CAMTA1: variants seen among roughly 807,000 people sequenced by gnomAD.
The protein encoded by CAMTA1 is calmodulin-binding transcription activator 1.
A neutral mutation model predicts 170.9 loss-of-function variants in CAMTA1; 27 were observed. The observed-to-expected ratio is 0.16, with a 90% confidence interval of 0.12 to 0.22. The LOEUF (loss-of-function observed/expected upper bound fraction) is 0.22, where lower values mean the gene tolerates loss of function less well. Among genes scored for constraint, CAMTA1 ranks in the 10% least tolerant of loss-of-function variants. CAMTA1 has a pLI of 1.00. For missense variants in CAMTA1, 1,619 were observed against 2,217.2 expected, an observed-to-expected ratio of 0.73 and a Z score of 5.42; for synonymous variants, 833 against 891.5, an observed-to-expected ratio of 0.93 and a Z score of 1.17.
At chr1:6,944,220 T>TGAATA (rs1399846043) in intron 3 of CAMTA1, among the ~76,000 whole-genome samples, 3 of 152,232 alleles carry the variant, frequency 2.0e-5, no homozygotes, top group Non-Finnish European at 4.4e-5. Flanking sequence ...TTTTGAAGGC[T>TGAATA]GAATAGCATT....
chr1:6,904,405 G>A (rs1304812784), intron 3 of CAMTA1, among the ~76,000 whole-genome samples: 3 of 152,158 alleles, frequency 2.0e-5, no homozygotes, highest in African/African-American at 7.2e-5. Context: ...GCTCTCCTGA[G>A]CTTTATATTC....
At chr1:7,231,132 A>G (rs1477650218) in intron 4 of CAMTA1, among the ~76,000 whole-genome samples, 1 of 151,908 alleles carries the variant, frequency 6.6e-6, no homozygotes, top group Non-Finnish European at 1.5e-5. Flanking sequence ...TAAGTAGGAT[A>G]AGCAGCCCCC....
intron 5 of CAMTA1, among the ~76,000 whole-genome samples, chr1:7,330,905 C>T (rs980426898): frequency 7.9e-5 from 12 of 152,104 alleles, no homozygotes; most frequent in Admixed American, 2.6e-4. Context: ...AGTCAGGCTG[C>T]GGCCACATCG....
chr1:7,726,152 TG>T (rs2096684554), intron 11 of CAMTA1, among the ~76,000 whole-genome samples: 1 of 152,256 alleles, frequency 6.6e-6, no homozygotes, highest in African/African-American at 2.4e-5. Flanking sequence ...GGTTAAGAGT[TG>T]GGGAACCTCA....
chr1:7,651,082 C>T (rs1180550446), intron 7 of CAMTA1, among the ~76,000 whole-genome samples: 1 of 152,198 alleles, frequency 6.6e-6, no homozygotes, highest in Non-Finnish European at 1.5e-5. Context: ...GCCACACGTC[C>T]AGGGTTGCTG....
rs186285812 is a variant in CAMTA1 at position 7,305,430 on chromosome 1, G to T, written c.438+55804G>T. Among the ~76,000 whole-genome samples, 362 of 151,958 alleles carry T rather than the reference G, an allele frequency of 2.4e-3. 1 individual carries two copies. Among genetic ancestry groups the T allele is most frequent in the African/African-American group, 8.4e-3 (347 of 41,470 alleles). On this transcript the variant is annotated intron_variant, in intron 5 of 22. Coordinates refer to ENST00000303635, the MANE Select transcript of CAMTA1 (RefSeq NM_015215.4). ...AACCCCAGCTGGTATTTTTACTGGA[G>T]TCACGCCCTTACCTTACCCTGAAAC...
At chr1:7,103,564 CACAACACA>C (rs549433818) in intron 4 of CAMTA1, among the ~76,000 whole-genome samples, 800 of 55,344 alleles carry the variant, frequency 0.014, 9 homozygotes, top group African/African-American at 0.043. Flanking sequence ...CACACATACA[CACAACACA>C]ACTACACACA....
chr1:7,355,301 T>G (rs1189909719), intron 5 of CAMTA1, among the ~76,000 whole-genome samples: 1 of 96 alleles, frequency 0.01, no homozygotes, highest in East Asian at 0.17. Flanking sequence ...GGAAGATGGC[T>G]TGGCCCGGAG....
At chr1:7,646,651 G>T (rs2095807709) in intron 7 of CAMTA1, among the ~76,000 whole-genome samples, 1 of 150,658 alleles carries the variant, frequency 6.6e-6, no homozygotes, top group African/African-American at 2.5e-5. Context: ...TGAGGTAGAG[G>T]CCCTGGTGAC....
intron 1 of CAMTA1, 78 bp downstream of exon 1, chr1:6,785,653 C>T: frequency 1.5e-6 from 1 of 676,388 alleles, no homozygotes; most frequent in Non-Finnish European, 1.8e-6. Flanking sequence ...TCCCGGGCAT[C>T]GGCGGCGCCG....
chr1:7,091,283 C>G (rs1641437109), intron 3 of CAMTA1, 21 bp from the exon 4 acceptor site: 5 of 1,567,626 alleles, frequency 3.2e-6, no homozygotes, highest in Non-Finnish European at 4.4e-6. Flanking sequence ...TTGTTATTAT[C>G]TTTTTATTCT....
intron 3 of CAMTA1, among the ~76,000 whole-genome samples, chr1:6,879,701 T>G (rs1253158665): frequency 6.6e-6 from 1 of 151,602 alleles, no homozygotes; most frequent in African/African-American, 2.4e-5. Context: ...TAATCATGGC[T>G]TGCTGCAACC....
At position 7,752,449 on chromosome 1, in the gene CAMTA1, AC is replaced by A. The variant is rs2096903868; in HGVS notation, c.4884-9del. ...ACCTTCTTGTGACAATAATATTCTG[AC>A]TTTTTCAGGAGCAGTTTGCTAACCA... On this transcript the variant is annotated splice_polypyrimidine_tract_variant and intron_variant, in intron 20 of 22. Coordinates refer to ENST00000303635, the MANE Select transcript of CAMTA1 (RefSeq NM_015215.4). 2 of 1,613,194 alleles carry A rather than the reference AC, an allele frequency of 1.2e-6. No individual in the cohort carries two copies. Among genetic ancestry groups the A allele is most frequent in the Non-Finnish European group, 1.7e-6 (2 of 1,179,316 alleles).
At chr1:7,744,035 GC>G (rs1331710512) in intron 16 of CAMTA1, among the ~76,000 whole-genome samples, 1 of 151,186 alleles carries the variant, frequency 6.6e-6, no homozygotes, top group African/African-American at 2.4e-5. Flanking sequence ...CACCGTGTTA[GC>G]CAGGATGGTC....
chr1:7,139,996 G>A (rs2148608042), intron 4 of CAMTA1, among the ~76,000 whole-genome samples: 1 of 152,262 alleles, frequency 6.6e-6, no homozygotes, highest in African/African-American at 2.4e-5. Flanking sequence ...GTGCCTAAAT[G>A]CTTTATGTAC....
At chr1:6,790,196 T>G (rs1389938654) in intron 1 of CAMTA1, among the ~76,000 whole-genome samples, 2 of 152,118 alleles carry the variant, frequency 1.3e-5, no homozygotes, top group Non-Finnish European at 2.9e-5. Context: ...TTTTTCTGAT[T>G]TTTAAGTTTT....
chr1:7,536,745 G>A (rs1363221353), intron 6 of CAMTA1, among the ~76,000 whole-genome samples: 2 of 152,186 alleles, frequency 1.3e-5, no homozygotes, highest in Non-Finnish European at 2.9e-5. Context: ...CATTTAAATA[G>A]CAGATCCGAC....
intron 11 of CAMTA1, among the ~76,000 whole-genome samples, chr1:7,714,298 T>C (rs144334658): frequency 6.6e-5 from 10 of 152,318 alleles, no homozygotes; most frequent in Admixed American, 2.6e-4. Flanking sequence ...ATCCAACTCA[T>C]CTACATTCAG....
rs993996199 is a variant in CAMTA1, at chr1:7,224,301, C to T, written c.303-25190C>T. 2.6e-5 allele frequency among the ~76,000 whole-genome samples: 4 copies of T among 152,160 alleles called. No individual in the cohort carries two copies. The highest frequency in any genetic ancestry group is 6.5e-5 in the Admixed American group (1 of 15,276). Reference sequence around the variant, plus strand: ...GTCAGGCTGTGCCCAGTGGCCGAGGCGCTTGGTGAGCTTTCCACTGGATGG... The same window carrying T: ...GTCAGGCTGTGCCCAGTGGCCGAGGTGCTTGGTGAGCTTTCCACTGGATGG... On this transcript the variant is annotated intron_variant, in intron 4 of 22. Coordinates refer to ENST00000303635, the MANE Select transcript of CAMTA1 (RefSeq NM_015215.4). The surrounding 1 kb of genome is among the most constrained non-coding windows in gnomAD (Gnocchi z 5.2).
Sources: allele counts gnomAD v4.1 joint callset (sites outside exome capture counted in the v4.1 genomes callset), GRCh38; gene constraint gnomAD v4.1.1; non-coding constraint Gnocchi (gnomAD v3.1); transcripts MANE v1.5; gene names NCBI Gene and HGNC (gene_info 2026-07-23, HGNC 2026-07-21).